The following PTGIS variants were observed in gnomAD, a reference collection of about 807,000 sequenced individuals.
The protein encoded by PTGIS is prostaglandin I2 synthase.
Under a neutral mutation model 50.3 loss-of-function variants are expected in PTGIS, and 45 were observed. The observed-to-expected ratio is 0.90, with a 90% confidence interval of 0.70 to 1.15. PTGIS has a LOEUF of 1.15. Among genes scored for constraint, PTGIS ranks in the 50% most tolerant of loss-of-function variants. The pLI is 0.00. For missense variants in PTGIS, 668 were observed against 661.3 expected, an observed-to-expected ratio of 1.01 and a Z score of -0.11; for synonymous variants, 260 against 267.7, an observed-to-expected ratio of 0.97 and a Z score of 0.28.
At chr20:49,527,995 C>G (rs1291840832) in intron 5 of PTGIS, among the ~76,000 whole-genome samples, 3 of 151,516 alleles carry the variant, frequency 2.0e-5, no homozygotes, top group Non-Finnish European at 4.4e-5. Flanking sequence ...AAAGGATAAG[C>G]TGGGGGTGGT....
intron 1 of PTGIS, among the ~76,000 whole-genome samples, chr20:49,564,562 T>C (rs939285605): frequency 7.2e-5 from 11 of 152,202 alleles, no homozygotes; most frequent in African/African-American, 2.2e-4. Flanking sequence ...ATGTCTAATA[T>C]TTTTTAAATA....
Position 49,547,839 on chromosome 20 carries a change from A to G in PTGIS, c.377+2T>C. 1 of 1,614,012 alleles carries G rather than the reference A, an allele frequency of 6.2e-7. No individual in the cohort carries two copies. Among genetic ancestry groups the G allele is most frequent in the Non-Finnish European group, 8.5e-7 (1 of 1,179,950 alleles). On this transcript the variant is annotated splice_donor_variant, in intron 3 of 9. Transcript: ENST00000244043. LOFTEE classifies it high-confidence loss of function. ...CCACAGGTGCCATCTCCAGCCACTC[A>G]CAGTTTCATCCTGGCCTTTTCATCA...
intron 5 of PTGIS, among the ~76,000 whole-genome samples, chr20:49,533,245 T>C (rs1249539580): frequency 4.6e-5 from 7 of 152,350 alleles, no homozygotes; most frequent in African/African-American, 1.7e-4. Flanking sequence ...TAAAGTCTTG[T>C]GTTTTACCTT....
Position 49,548,019 on chromosome 20 carries a change from T to C in PTGIS, c.199A>G (p.Ile67Val). 1.2e-6 allele frequency: 2 copies of C among 1,613,700 alleles called. No individual in the cohort carries two copies. The highest frequency in any genetic ancestry group is 1.7e-6 in the Non-Finnish European group (2 of 1,179,830). ...GTGACATACCTGCCCCCAACCAGTA[T>C]CTGTGGGAAGTTGCCAGGGATAGAG... is the stretch of plus-strand genomic sequence containing the variant. ...MKEKHGDIFT[I>V]LVGGRYVTVL... Residue 67 changes from isoleucine (I) to valine (V), a missense_variant and splice_region_variant, in exon 3 of 10, where the codon ATA becomes GTA. By Grantham distance (29) the Ile-to-Val change is conservative (BLOSUM62 3). Coordinates refer to ENST00000244043, the MANE Select transcript of PTGIS (RefSeq NM_000961.4).
intron 1 of PTGIS, among the ~76,000 whole-genome samples, chr20:49,561,848 T>C (rs1018287457): frequency 3.3e-5 from 5 of 152,222 alleles, no homozygotes; most frequent in African/African-American, 1.2e-4. Flanking sequence ...GTAAGATTCC[T>C]GGGCACCATT....
chr20:49,533,180 G>A (rs758294176), intron 5 of PTGIS, among the ~76,000 whole-genome samples: 9 of 152,144 alleles, frequency 5.9e-5, no homozygotes, highest in Non-Finnish European at 8.8e-5. Flanking sequence ...AAGCCCTCTA[G>A]GCCCTCTAGA....
chr20:49,517,927 G>A (rs543652742), intron 6 of PTGIS, among the ~76,000 whole-genome samples: 11 of 152,354 alleles, frequency 7.2e-5, no homozygotes, highest in Admixed American at 7.2e-4. Flanking sequence ...GGACCCAGGC[G>A]GAGGCACTGA....
intron 5 of PTGIS, among the ~76,000 whole-genome samples, chr20:49,529,991 C>T (rs912441995): frequency 1.3e-5 from 2 of 151,876 alleles, no homozygotes; most frequent in African/African-American, 2.4e-5. Flanking sequence ...CCTGTCTCTA[C>T]TAAAAATACA....
intron 1 of PTGIS, among the ~76,000 whole-genome samples, chr20:49,566,605 AT>A (rs1982906314): frequency 6.6e-6 from 1 of 152,256 alleles, no homozygotes; most frequent in Non-Finnish European, 1.5e-5. Context: ...CAACTACCAT[AT>A]TGTTTAAAAA....
At chr20:49,521,998 T>C (rs1981663934) in intron 6 of PTGIS, among the ~76,000 whole-genome samples, 1 of 152,074 alleles carries the variant, frequency 6.6e-6, no homozygotes, top group Admixed American at 6.6e-5. Context: ...GCCCTGTTTT[T>C]GCTTTTGCCC....
In PTGIS at chr20:49,514,310, T is replaced by C; in HGVS notation, c.941A>G (p.Glu314Gly). The C allele has an allele frequency of 1.9e-6, 3 of 1,614,094 alleles. No individual in the cohort carries two copies. Among genetic ancestry groups the C allele is most frequent in the Non-Finnish European group, 2.5e-6 (3 of 1,180,040 alleles). ...EALAAVRGEL[E>G]SILWQAEQPV... is the part of the protein sequence containing the mutation. ...CTGCTCCGCTTGCCAAAGGATACTC[T>C]CGAGCTCTCCGCGGACAGCAGCCAG... Residue 314 changes from glutamate to glycine, a missense_variant, in exon 7 of 10, where the codon GAG (glutamate) becomes GGG (glycine). Coordinates refer to ENST00000244043, the MANE Select transcript of PTGIS (RefSeq NM_000961.4).
intron 5 of PTGIS, among the ~76,000 whole-genome samples, chr20:49,537,848 C>A (rs1295120033): frequency 6.6e-6 from 1 of 152,146 alleles, no homozygotes; most frequent in African/African-American, 2.4e-5. Context: ...ATGTTCACAA[C>A]AACCTCTTCC....
At position 49,507,491 on chromosome 20, in the gene PTGIS, G is replaced by A; in HGVS notation, c.*429C>T. 1 of 312,202 alleles carries A rather than the reference G, an allele frequency of 3.2e-6. No individual in the cohort carries two copies. The highest frequency in any genetic ancestry group is 3.0e-5 in the South Asian group (1 of 33,080). 19.3% of individuals were successfully genotyped at this position (312,202 alleles called of 1,614,324 possible). On this transcript the variant is annotated 3_prime_UTR_variant, in exon 10 of 10. Coordinates refer to ENST00000244043, the MANE Select transcript of PTGIS (RefSeq NM_000961.4). ...CATCAATGGACACAAAGGACATCCT[G>A]AGTGGCCTTTCTGTGGCCAGCATCC...
chr20:49,565,202 C>T (rs533023968), intron 1 of PTGIS, among the ~76,000 whole-genome samples: 15 of 151,712 alleles, frequency 9.9e-5, no homozygotes, highest in Admixed American at 7.9e-4. Flanking sequence ...AGAATGGTCT[C>T]GATCTCCTGA....
chr20:49,547,557 G>A (rs1395837325), intron 3 of PTGIS, among the ~76,000 whole-genome samples: 1 of 152,078 alleles, frequency 6.6e-6, no homozygotes, highest in Non-Finnish European at 1.5e-5. Flanking sequence ...GAATTTAGGT[G>A]TGGCTGACCC....
intron 5 of PTGIS, 55 bp from the exon 6 acceptor site, chr20:49,524,294 G>A: frequency 6.3e-7 from 1 of 1,592,560 alleles, no homozygotes; most frequent in Non-Finnish European, 8.6e-7. Flanking sequence ...CCCACACCCA[G>A]GGCTGGCCAG....
intron 5 of PTGIS, among the ~76,000 whole-genome samples, chr20:49,536,470 C>CTTTTTTTT (rs1471525960): frequency 1.1e-4 from 15 of 135,094 alleles, no homozygotes; most frequent in Non-Finnish European, 1.9e-4. Flanking sequence ...TTCTTTCTTT[C>CTTTTTTTT]TTTCTTTCTT....
chr20:49,509,839 C>CCCCTTTT (rs1981260965), intron 9 of PTGIS, among the ~76,000 whole-genome samples: 2 of 148,632 alleles, frequency 1.3e-5, no homozygotes, highest in South Asian at 4.3e-4. Context: ...GGCCCCAGTC[C>CCCCTTTT]CCCTTTTCCC....
At chr20:49,532,211 T>C (rs897660427) in intron 5 of PTGIS, among the ~76,000 whole-genome samples, 2 of 152,210 alleles carry the variant, frequency 1.3e-5, no homozygotes, top group African/African-American at 4.8e-5. Flanking sequence ...TTCACTTCTA[T>C]TTTTCTTTTT....
Sources: gnomAD v4.1 joint callset for allele counts (sites outside exome capture counted in the v4.1 genomes callset) on GRCh38, gnomAD v4.1.1 for gene constraint, MANE v1.5 for transcripts, NCBI Gene and HGNC (gene_info 2026-07-23, HGNC 2026-07-21) for gene names.